SLC10A7: variants seen among roughly 807,000 people sequenced by gnomAD.
SLC10A7 encodes the protein sodium/bile acid cotransporter 7.
SLC10A7 carries 29 observed loss-of-function variants against 43.2 expected under a neutral mutation model. That is an observed-to-expected ratio of 0.67 (90% confidence interval 0.50 to 0.92). The LOEUF (loss-of-function observed/expected upper bound fraction) is 0.92. Among genes scored for constraint, SLC10A7 ranks in the 40% least tolerant of loss-of-function variants. The pLI, the probability that SLC10A7 is intolerant of heterozygous loss-of-function variation, is 0.00. For missense variants in SLC10A7, 295 were observed against 403.2 expected (o/e 0.73, Z 2.30); for synonymous variants, 152 against 144.8 (o/e 1.05, Z -0.35).
intron 4 of SLC10A7, among the ~76,000 whole-genome samples, chr4:146,478,737 G>A (rs1160586088): frequency 1.3e-5 from 2 of 152,084 alleles, no homozygotes; most frequent in Non-Finnish European, 2.9e-5. Flanking sequence ...AAGATTCATA[G>A]CTACTAATCT....
intron 4 of SLC10A7, among the ~76,000 whole-genome samples, chr4:146,467,496 CAG>C (rs1560936989): frequency 7.3e-6 from 1 of 136,822 alleles, no homozygotes; most frequent in Non-Finnish European, 1.6e-5. Flanking sequence ...CACACACACA[CAG>C]GCACACACAA....
At position 146,401,987 on chromosome 4, in the gene SLC10A7, A is replaced by G. The variant is rs536568151; in HGVS notation, c.435+40796T>C. 2.6e-5 allele frequency among the ~76,000 whole-genome samples: 4 copies of G among 152,300 alleles called. No homozygotes were observed. The South Asian group carries it at 8.3e-4, about 32-fold the overall frequency. On this transcript the variant is annotated intron_variant, in intron 5 of 11. Coordinates refer to ENST00000335472, the MANE Select transcript of SLC10A7 (RefSeq NM_001029998.6). ...AATAAAAATTTACATCTATACCACC[A>G]CTACAAAAAATGTACACATATAGAC...
chr4:146,429,883 T>C (rs1313245627), intron 5 of SLC10A7, among the ~76,000 whole-genome samples: 1 of 151,626 alleles, frequency 6.6e-6, no homozygotes, highest in Non-Finnish European at 1.5e-5. Context: ...TGAAAAAAAA[T>C]CCATAAAGGA....
intron 10 of SLC10A7, among the ~76,000 whole-genome samples, chr4:146,269,117 T>C (rs908069254): frequency 2.6e-5 from 4 of 152,184 alleles, no homozygotes; most frequent in African/African-American, 7.2e-5. Context: ...TTTATGTAAA[T>C]AAAGATGCAA....
intron 5 of SLC10A7, among the ~76,000 whole-genome samples, chr4:146,402,370 T>G (rs1739282074): frequency 6.6e-6 from 1 of 152,140 alleles, no homozygotes; most frequent in South Asian, 2.1e-4. Context: ...CCCATTACCC[T>G]TATTTCCTCA....
At chr4:146,377,903 C>T (rs1158879146) in intron 5 of SLC10A7, among the ~76,000 whole-genome samples, 2 of 152,092 alleles carry the variant, frequency 1.3e-5, no homozygotes, top group Non-Finnish European at 2.9e-5. Context: ...GGTTTATATG[C>T]CAGTATTGTA....
intron 11 of SLC10A7, among the ~76,000 whole-genome samples, chr4:146,257,980 T>C (rs1048489041): frequency 6.6e-6 from 1 of 152,248 alleles, no homozygotes. Flanking sequence ...GTCACTACTT[T>C]GTGAATAGAC....
At chr4:146,461,690 T>A (rs941974408) in intron 4 of SLC10A7, among the ~76,000 whole-genome samples, 11 of 150,258 alleles carry the variant, frequency 7.3e-5, no homozygotes, top group African/African-American at 2.7e-4. Flanking sequence ...TCAAATATAA[T>A]ACATAACTAG....
At chr4:146,304,704 T>C (rs1046396426) in intron 7 of SLC10A7, among the ~76,000 whole-genome samples, 1 of 152,118 alleles carries the variant, frequency 6.6e-6, no homozygotes, top group African/African-American at 2.4e-5. Flanking sequence ...TGTGGTGTGG[T>C]GCTGAAAAAA....
rs565720961 is a variant in SLC10A7 at position 146,360,473 on chromosome 4, C to T, written c.436-34477G>A. ...TTTTAATCTCTGAGACAGGGTCTTGCTTTGTTGCCCAGGCTGGAGTATAGT... is the reference window on the plus strand; with the variant it reads ...TTTTAATCTCTGAGACAGGGTCTTGTTTTGTTGCCCAGGCTGGAGTATAGT... On this transcript the variant is annotated intron_variant, in intron 5 of 11. Coordinates refer to ENST00000335472, the MANE Select transcript of SLC10A7 (RefSeq NM_001029998.6). Among the ~76,000 whole-genome samples, 10 of 152,130 alleles carry T rather than the reference C, an allele frequency of 6.6e-5. No homozygotes were observed. The South Asian group carries it at 1.0e-3, about 16-fold the overall frequency.
At chr4:146,407,039 C>G (rs1195289258) in intron 5 of SLC10A7, among the ~76,000 whole-genome samples, 1 of 152,064 alleles carries the variant, frequency 6.6e-6, no homozygotes, top group Non-Finnish European at 1.5e-5. Flanking sequence ...TGATTCTGGT[C>G]TCTCATATAT....
intron 5 of SLC10A7, among the ~76,000 whole-genome samples, chr4:146,424,731 TA>T (rs1312435228): frequency 6.6e-6 from 1 of 151,732 alleles, no homozygotes; most frequent in Non-Finnish European, 1.5e-5. Flanking sequence ...TATAAAACCA[TA>T]TTTGAGACTC....
chr4:146,334,872 T>C (rs1180548873), intron 5 of SLC10A7, among the ~76,000 whole-genome samples: 1 of 152,012 alleles, frequency 6.6e-6, no homozygotes, highest in Non-Finnish European at 1.5e-5. Context: ...ACATGAAGAA[T>C]TTTACTAAAA....
intron 5 of SLC10A7, among the ~76,000 whole-genome samples, chr4:146,393,102 T>C (rs1011801013): frequency 1.4e-5 from 2 of 139,388 alleles, no homozygotes; most frequent in African/African-American, 2.7e-5. Flanking sequence ...TGAGGTGGAA[T>C]GGTCACCTGA....
At chr4:146,442,926 CA>C in intron 4 of SLC10A7, 105 bp from the exon 5 acceptor site, 1 of 839,018 alleles carries the variant, frequency 1.2e-6, no homozygotes, top group African/African-American at 1.8e-5. Flanking sequence ...AACCTTAAAA[CA>C]TTGACTCTAT....
chr4:146,340,535 GGAGAGA>G (rs35059793), intron 5 of SLC10A7, among the ~76,000 whole-genome samples: 9 of 141,830 alleles, frequency 6.3e-5, no homozygotes, highest in South Asian at 2.2e-4. Context: ...ATATATATAT[GGAGAGA>G]GAGAGAGAGA....
At chr4:146,350,324 C>T (rs1177825042) in intron 5 of SLC10A7, among the ~76,000 whole-genome samples, 3 of 151,502 alleles carry the variant, frequency 2.0e-5, no homozygotes, top group South Asian at 2.1e-4. Context: ...CTTTTCAGAA[C>T]GGCTTAAAAA....
intron 5 of SLC10A7, among the ~76,000 whole-genome samples, chr4:146,391,735 G>C (rs1738445800): frequency 6.6e-6 from 1 of 152,180 alleles, no homozygotes; most frequent in Non-Finnish European, 1.5e-5. Flanking sequence ...GGTGCAATTA[G>C]AGCATCTTGC....
intron 5 of SLC10A7, among the ~76,000 whole-genome samples, chr4:146,420,669 G>A (rs1435558101): frequency 6.6e-6 from 1 of 152,100 alleles, no homozygotes; most frequent in African/African-American, 2.4e-5. Context: ...TTTTAAAAAT[G>A]TTGCTGTTGT....
Sources: allele counts gnomAD v4.1 joint callset (sites outside exome capture counted in the v4.1 genomes callset), GRCh38; gene constraint gnomAD v4.1.1; transcripts MANE v1.5; gene names NCBI Gene and HGNC (gene_info 2026-07-23, HGNC 2026-07-21).